Variants in CCDC7 observed in about 807,000 individuals in gnomAD.
CCDC7 encodes the protein coiled-coil domain containing 7.
In CCDC7, 183 loss-of-function variants were observed where a neutral mutation model predicts 196.9. The ratio of observed to expected loss-of-function variants is 0.93; its 90% CI spans 0.82 to 1.05. CCDC7 has a LOEUF of 1.05. CCDC7 is among the 50% of genes least tolerant of loss of function. The pLI is 0.00. For missense variants in CCDC7, 1,540 were observed against 1,482.2 expected (o/e 1.04, Z -0.64); for synonymous variants, 525 against 484.6 (o/e 1.08, Z -1.10).
chr10:32,528,975 G>A (rs2049193658), intron 11 of CCDC7, among the ~76,000 whole-genome samples: 1 of 151,462 alleles, frequency 6.6e-6, no homozygotes, highest in South Asian at 2.1e-4. Flanking sequence ...TGGATCAAAT[G>A]GTAGATCTAC....
intron 13 of CCDC7, among the ~76,000 whole-genome samples, chr10:32,564,088 A>G (rs1489965648): frequency 6.6e-6 from 1 of 152,166 alleles, no homozygotes; most frequent in Non-Finnish European, 1.5e-5. Context: ...ATGCAAATCA[A>G]AACCACAATG....
intron 18 of CCDC7, chr10:32,623,915 A>G (rs1175097246): frequency 2.5e-6 from 1 of 398,438 alleles, no homozygotes; most frequent in Non-Finnish European, 5.1e-6. Flanking sequence ...TCCCAAGGGG[A>G]TGGTGCTAAA....
chr10:32,690,769 A>G (rs1246421015), intron 23 of CCDC7, among the ~76,000 whole-genome samples: 2 of 152,212 alleles, frequency 1.3e-5, no homozygotes, highest in African/African-American at 4.8e-5. Context: ...ATGACCTTAA[A>G]TGCCTCAGTT....
At chr10:32,477,492 C>T (rs2990974) in intron 8 of CCDC7, among the ~76,000 whole-genome samples, 21,058 of 151,996 alleles carry the variant, frequency 0.14, 1,767 homozygotes, top group East Asian at 0.25. Context: ...TGAGCCACTG[C>T]GCCCAGCCCA....
At chr10:32,738,379 T>C (rs2133058068) in intron 28 of CCDC7, among the ~76,000 whole-genome samples, 1 of 152,216 alleles carries the variant, frequency 6.6e-6, no homozygotes, top group African/African-American at 2.4e-5. Context: ...ATATATAAGC[T>C]ATAATCATGG....
chr10:32,567,887 C>A, exon 15 of CCDC7: 1 of 1,611,874 alleles, frequency 6.2e-7, no homozygotes, highest in Non-Finnish European at 8.5e-7. Flanking sequence ...CAAGAATATC[C>A]ACAGGTGAGG....
intron 25 of CCDC7, among the ~76,000 whole-genome samples, chr10:32,712,206 A>G (rs1411229089): frequency 6.6e-6 from 1 of 152,166 alleles, no homozygotes; most frequent in Non-Finnish European, 1.5e-5. Flanking sequence ...CTTTATGGTA[A>G]CCTGATAGAG....
intron 23 of CCDC7, among the ~76,000 whole-genome samples, chr10:32,690,413 GAA>G (rs1312154708): frequency 6.6e-6 from 1 of 152,066 alleles, no homozygotes; most frequent in African/African-American, 2.4e-5. Context: ...ACATCTAAGT[GAA>G]AAAAAGATAT....
Position 32,634,148 on chromosome 10 carries a change from G to C in CCDC7, c.1802-106G>C, listed in dbSNP as rs541002527. Reference sequence around the variant, plus strand: ...TGGTAATTTACTCATGACTTTATGAGAATGAGAGAAAATGCTGCTGTGTAC... The same window carrying C: ...TGGTAATTTACTCATGACTTTATGACAATGAGAGAAAATGCTGCTGTGTAC... On this transcript the variant is annotated intron_variant, in intron 18 of 41. Coordinates refer to ENST00000639629, the Ensembl canonical transcript of CCDC7. 2.8e-5 allele frequency: 12 copies of C among 429,624 alleles called. No individual in the cohort carries two copies. The East Asian group carries it at 4.0e-4, about 14-fold the overall frequency. 26.6% of individuals were successfully genotyped at this position (429,624 alleles called of 1,614,324 possible).
intron 39 of CCDC7, 69 bp from the exon 41 acceptor site, chr10:32,851,738 G>A: frequency 7.1e-7 from 1 of 1,406,716 alleles, no homozygotes; most frequent in Non-Finnish European, 9.9e-7. Context: ...CATATATACT[G>A]TGTGAGTATT....
chr10:32,680,193 G>T (rs764699792), intron 21 of CCDC7, among the ~76,000 whole-genome samples: 1 of 152,322 alleles, frequency 6.6e-6, no homozygotes, highest in Admixed American at 6.5e-5. Context: ...ATGGGAGACA[G>T]AGGTGGTAAG....
exon 24 of CCDC7, chr10:32,694,957 A>G (rs1565170783): frequency 6.2e-7 from 1 of 1,604,544 alleles, no homozygotes; most frequent in Non-Finnish European, 8.5e-7. Context: ...CAAATTGAAA[A>G]AACCAAAAAA....
At chr10:32,497,484 AGGGTGTT>A (rs2043099928) in intron 9 of CCDC7, among the ~76,000 whole-genome samples, 3 of 152,042 alleles carry the variant, frequency 2.0e-5, no homozygotes, top group Non-Finnish European at 4.4e-5. Context: ...TTGTGATGTT[AGGGTGTT>A]GGTTTTAGAT....
chr10:32,637,678 T>C (rs1429069946), intron 20 of CCDC7, among the ~76,000 whole-genome samples: 1 of 152,232 alleles, frequency 6.6e-6, no homozygotes, highest in African/African-American at 2.4e-5. Context: ...CCTCCAGCTT[T>C]GTTCTTTTGG....
chr10:32,798,431 A>G (rs995707897), intron 29 of CCDC7, among the ~76,000 whole-genome samples: 1 of 152,228 alleles, frequency 6.6e-6, no homozygotes. Context: ...GGCGTGGCTG[A>G]GGAAAGAGGC....
Position 32,467,045 on chromosome 10 carries a change from A to C in CCDC7, c.510+3996A>C, listed in dbSNP as rs1442084972. Reference sequence around the variant, plus strand: ...GATCAGTGATGTTGAGCTTTTTTTCATATGATTGTTGGCCCCGTGTATGTC... The same window carrying C: ...GATCAGTGATGTTGAGCTTTTTTTCCTATGATTGTTGGCCCCGTGTATGTC... On this transcript the variant is annotated intron_variant, in intron 5 of 41. Coordinates refer to ENST00000639629, the Ensembl canonical transcript of CCDC7. Among the ~76,000 whole-genome samples the C allele has an allele frequency of 2.0e-5, 3 of 150,762 alleles. 1 individual carries two copies. In the South Asian group the frequency reaches 6.3e-4, roughly 31 times the overall value.
intron 28 of CCDC7, among the ~76,000 whole-genome samples, chr10:32,737,847 T>C (rs1239084868): frequency 6.6e-6 from 1 of 152,190 alleles, no homozygotes; most frequent in Non-Finnish European, 1.5e-5. Context: ...TCTCCAGCTT[T>C]GCTTTGATTA....
At position 32,642,339 on chromosome 10, in the gene CCDC7, C is replaced by T. The variant is rs1474710110; in HGVS notation, c.2014+7181C>T. Reference sequence around the variant, plus strand: ...AGCCGCTTTGTTTACCTACTCAAGCCTTGGCAATGGCGGGCGCCCCTCCCC... The same window carrying T: ...AGCCGCTTTGTTTACCTACTCAAGCTTTGGCAATGGCGGGCGCCCCTCCCC... On this transcript the variant is annotated intron_variant, in intron 20 of 41. Coordinates refer to ENST00000639629, the Ensembl canonical transcript of CCDC7. 2.0e-5 allele frequency among the ~76,000 whole-genome samples: 3 copies of T among 152,216 alleles called. No homozygotes were observed. In the East Asian group the frequency reaches 5.8e-4, roughly 29 times the overall value.
rs191663037 is a variant in CCDC7 at position 32,670,946 on chromosome 10, C to G, written c.2122+6785C>G. ...TTTTATTTAATGTGGGCTTTTAGTTCTATAAATGGTACAATTGTACAGTGT... is the reference window on the plus strand; with the variant it reads ...TTTTATTTAATGTGGGCTTTTAGTTGTATAAATGGTACAATTGTACAGTGT... On this transcript the variant is annotated intron_variant, in intron 21 of 41. Coordinates refer to ENST00000639629, the Ensembl canonical transcript of CCDC7. 5.9e-5 allele frequency among the ~76,000 whole-genome samples: 9 copies of G among 151,978 alleles called. No homozygotes were observed. The East Asian group carries it at 1.7e-3, about 29-fold the overall frequency.
Sources: gnomAD v4.1 joint callset for allele counts (sites outside exome capture counted in the v4.1 genomes callset) on GRCh38, gnomAD v4.1.1 for gene constraint, MANE v1.5 for transcripts, NCBI Gene and HGNC (gene_info 2026-07-23, HGNC 2026-07-21) for gene names.